The following ADAMTSL3 variants were observed in gnomAD, a reference collection of about 807,000 sequenced individuals.
ADAMTSL3 encodes the protein ADAMTS-like protein 3.
In ADAMTSL3, 128 loss-of-function variants were observed where a neutral mutation model predicts 201.7. The ratio of observed to expected loss-of-function variants is 0.63; its 90% CI spans 0.55 to 0.73. The LOEUF is 0.73. Among genes scored for constraint, ADAMTSL3 ranks in the 30% least tolerant of loss-of-function variants. ADAMTSL3 has a pLI of 0.00. For missense variants in ADAMTSL3, 1,990 were observed against 2,119.6 expected, an observed-to-expected ratio of 0.94 and a Z score of 1.20; for synonymous variants, 738 against 748.4, an observed-to-expected ratio of 0.99 and a Z score of 0.23.
chr15:83,675,862 T>G (rs2061397542), intron 2 of ADAMTSL3, among the ~76,000 whole-genome samples: 1 of 152,210 alleles, frequency 6.6e-6, no homozygotes, highest in African/African-American at 2.4e-5. Flanking sequence ...TTTCAAATTG[T>G]TGAATTTTTC....
intron 3 of ADAMTSL3, among the ~76,000 whole-genome samples, chr15:83,734,863 A>G (rs944436688): frequency 6.6e-6 from 1 of 151,992 alleles, no homozygotes; most frequent in African/African-American, 2.4e-5. Context: ...GGGGAGGGCT[A>G]GTGGGGAGGG....
In ADAMTSL3 at chr15:84,017,623, A is replaced by G. The variant is rs56215939; in HGVS notation, c.4273+1124A>G. On this transcript the variant is annotated intron_variant, in intron 25 of 29. Transcript: ENST00000286744. ...GCAAGAGAGAGCACAGAAGGGGAAA[A>G]CAGTGTTGAGCTGCCAATCAGCAAT... Among the ~76,000 whole-genome samples the G allele has an allele frequency of 7.0e-3, 1,052 of 150,368 alleles. 14 individuals are homozygous for G. Among genetic ancestry groups the G allele is most frequent in the African/African-American group, 0.025 (1,000 of 39,762 alleles).
In ADAMTSL3 at chr15:83,974,647, C is replaced by A. The variant is rs76028887; in HGVS notation, c.2644+4010C>A. Among the ~76,000 whole-genome samples the A allele has an allele frequency of 4.7e-3, 716 of 152,248 alleles. 40 individuals carry two copies. In the East Asian group the frequency reaches 0.11, roughly 24 times the overall value. On this transcript the variant is annotated intron_variant, in intron 20 of 29. Coordinates refer to ENST00000286744, the MANE Select transcript of ADAMTSL3 (RefSeq NM_207517.3). ...AGAATGAATTGTATTCATGGACATT[C>A]TTTTTAAATATGTTAGATGTGGTTC...
At chr15:83,930,692 A>G (rs1410893845) in intron 17 of ADAMTSL3, among the ~76,000 whole-genome samples, 5 of 152,230 alleles carry the variant, frequency 3.3e-5, no homozygotes, top group African/African-American at 4.8e-5. Flanking sequence ...AGGAAATACT[A>G]TTCCTCATTT....
intron 2 of ADAMTSL3, among the ~76,000 whole-genome samples, chr15:83,668,225 A>G (rs1382121776): frequency 3.9e-5 from 6 of 152,166 alleles, no homozygotes; most frequent in East Asian, 1.9e-4. Context: ...GAGGCCCAAC[A>G]TATGCATAGT....
chr15:84,013,082 T>G (rs945985072), intron 23 of ADAMTSL3, among the ~76,000 whole-genome samples: 3 of 152,196 alleles, frequency 2.0e-5, no homozygotes, highest in Non-Finnish European at 2.9e-5. Context: ...TCAGTGCCAA[T>G]ATCAGTCTTA....
At chr15:83,882,918 C>A (rs1400035185) in intron 9 of ADAMTSL3, among the ~76,000 whole-genome samples, 3 of 151,966 alleles carry the variant, frequency 2.0e-5, no homozygotes, top group African/African-American at 4.8e-5. Flanking sequence ...ACAGAGACTT[C>A]TGTCTTTCTT....
At chr15:83,828,830 A>G (rs1381160023) in intron 6 of ADAMTSL3, among the ~76,000 whole-genome samples, 1 of 152,174 alleles carries the variant, frequency 6.6e-6, no homozygotes, top group Non-Finnish European at 1.5e-5. Context: ...GATTACGTTT[A>G]TTGATTTTCA....
Position 83,897,887 on chromosome 15 carries a change from G to T in ADAMTSL3, c.1497G>T (p.Arg499=), listed in dbSNP as rs147577719. 6.2e-7 allele frequency: 1 copy of T among 1,611,826 alleles called. No individual in the cohort carries two copies. Among genetic ancestry groups the T allele is most frequent in the Admixed American group, 1.7e-5 (1 of 59,816 alleles). ...CAGTGACTTGTGGCCGAGGGTTACG[G>T]TACCGGGTTGTTCTGTGTATTAACC... is the stretch of plus-strand genomic sequence containing the variant. ...QCTVTCGRGL[R]YRVVLCINHR... The change falls in exon 14 of 30, where the codon CGG becomes CGT. Residue 499 remains arginine (R), a synonymous_variant. Transcript: ENST00000286744.
At chr15:83,882,767 G>A (rs2065300660) in intron 9 of ADAMTSL3, among the ~76,000 whole-genome samples, 1 of 152,068 alleles carries the variant, frequency 6.6e-6, no homozygotes, top group Admixed American at 6.5e-5. Flanking sequence ...ATCCAATATT[G>A]CTTGTGAGAA....
chr15:83,889,550 A>G (rs953812984), intron 10 of ADAMTSL3, among the ~76,000 whole-genome samples: 5 of 152,218 alleles, frequency 3.3e-5, no homozygotes, highest in African/African-American at 7.2e-5. Flanking sequence ...AGACGGTTGC[A>G]TATTTCAGGA....
intron 20 of ADAMTSL3, among the ~76,000 whole-genome samples, chr15:83,978,072 A>G (rs1252700979): frequency 6.6e-6 from 1 of 152,050 alleles, no homozygotes; most frequent in Non-Finnish European, 1.5e-5. Flanking sequence ...GGGTTCCAGC[A>G]GGGTAATAGG....
intron 2 of ADAMTSL3, among the ~76,000 whole-genome samples, chr15:83,685,053 T>A (rs1016512412): frequency 6.6e-6 from 1 of 152,218 alleles, no homozygotes; most frequent in Non-Finnish European, 1.5e-5. Flanking sequence ...TATAAAATGG[T>A]ATCTCTTCAG....
At position 83,826,435 on chromosome 15, in the gene ADAMTSL3, C is replaced by CT. The variant is rs11342592; in HGVS notation, c.600+6404dup. On this transcript the variant is annotated intron_variant, in intron 6 of 29. Transcript: ENST00000286744. The stretch of plus-strand genomic sequence containing the variant: ...ACTGAGCCTGGCCCTGGAAGCAGAT[C>CT]TTTTTTTTTTTTTTTTAATTTTTAT... Among the ~76,000 whole-genome samples the CT allele has an allele frequency of 4.6e-3, 660 of 142,416 alleles. 3 individuals carry two copies. The highest frequency in any genetic ancestry group is 6.3e-3 in the Non-Finnish European group (411 of 64,848). 93.4% of individuals were successfully genotyped at this position (142,416 alleles called of 152,430 possible).
At chr15:83,684,100 A>T (rs1001935155) in intron 2 of ADAMTSL3, among the ~76,000 whole-genome samples, 1 of 152,230 alleles carries the variant, frequency 6.6e-6, no homozygotes, top group Non-Finnish European at 1.5e-5. Context: ...CAACCTATCA[A>T]GGATAACATT....
intron 17 of ADAMTSL3, among the ~76,000 whole-genome samples, chr15:83,935,565 C>T (rs1416985886): frequency 6.6e-6 from 1 of 151,976 alleles, no homozygotes; most frequent in Non-Finnish European, 1.5e-5. Flanking sequence ...AAAATACACA[C>T]TCAGATACAT....
intron 3 of ADAMTSL3, among the ~76,000 whole-genome samples, chr15:83,738,923 T>G (rs940110246): frequency 6.7e-6 from 1 of 150,034 alleles, no homozygotes; most frequent in Non-Finnish European, 1.5e-5. Context: ...AAGAATGAAA[T>G]TAGTTATTAT....
At chr15:83,853,932 C>G (rs1404289895) in intron 7 of ADAMTSL3, among the ~76,000 whole-genome samples, 1 of 151,828 alleles carries the variant, frequency 6.6e-6, no homozygotes, top group Non-Finnish European at 1.5e-5. Flanking sequence ...ATCTATCTAT[C>G]TATCTATCTA....
chr15:83,892,988 A>T, intron 13 of ADAMTSL3, 100 bp downstream of exon 13: 1 of 1,183,254 alleles, frequency 8.5e-7, no homozygotes, highest in Non-Finnish European at 1.2e-6. Flanking sequence ...GACAAAAAAA[A>T]AGTGGTAAAA....
Sources: gnomAD v4.1 joint callset for allele counts (sites outside exome capture counted in the v4.1 genomes callset) on GRCh38, gnomAD v4.1.1 for gene constraint, MANE v1.5 for transcripts, NCBI Gene and HGNC (gene_info 2026-07-23, HGNC 2026-07-21) for gene names.